Variants in SLC11A2 observed in about 807,000 individuals in gnomAD.
SLC11A2 encodes the protein solute carrier family 11 member 2, also known as natural resistance-associated macrophage protein 2.
In SLC11A2, 38 loss-of-function variants were observed where a neutral mutation model predicts 68.0. The ratio of observed to expected loss-of-function variants is 0.56; its 90% CI spans 0.43 to 0.73. The LOEUF (loss-of-function observed/expected upper bound fraction) is 0.73. Among genes scored for constraint, SLC11A2 ranks in the 30% least tolerant of loss-of-function variants. The pLI is 0.00. For missense variants in SLC11A2, 517 were observed against 690.5 expected, an observed-to-expected ratio of 0.75 and a Z score of 2.82; for synonymous variants, 242 against 250.6, an observed-to-expected ratio of 0.97 and a Z score of 0.32.
intron 5 of SLC11A2, among the ~76,000 whole-genome samples, chr12:51,004,427 CA>C (rs1160884650): frequency 2.0e-5 from 3 of 152,016 alleles, no homozygotes; most frequent in Non-Finnish European, 4.4e-5. Flanking sequence ...AAAAAAAGAA[CA>C]TATATAAAAT....
chr12:50,969,383 C>T, the SLC11A2 span, among the ~76,000 whole-genome samples: 1 of 151,972 alleles, frequency 6.6e-6, no homozygotes, highest in Non-Finnish European at 1.5e-5. Context: ...GTTTGGAGAC[C>T]ACCTACCTGT....
At chr12:50,985,961 T>C, downstream of SLC11A2, 1 of 1,147,042 alleles carries the variant, frequency 8.7e-7, no homozygotes, top group South Asian at 1.9e-5. Flanking sequence ...ATAAATTATT[T>C]CAAGGTTAAA....
intron 8 of SLC11A2, 50 bp downstream of exon 8, chr12:50,999,124 A>C (rs920199788): frequency 7.0e-7 from 1 of 1,431,030 alleles, no homozygotes; most frequent in African/African-American, 1.4e-5. Flanking sequence ...TAAAAAAAAA[A>C]ACCACAAAAA....
chr12:50,985,832 C>T (rs1940486205), downstream of SLC11A2, among the ~76,000 whole-genome samples: 1 of 152,072 alleles, frequency 6.6e-6, no homozygotes, highest in Non-Finnish European at 1.5e-5. Flanking sequence ...AGGACTAAAT[C>T]CATTTATTTC....
At chr12:50,960,108 A>G in the SLC11A2 span, among the ~76,000 whole-genome samples, 1 of 152,202 alleles carries the variant, frequency 6.6e-6, no homozygotes, top group African/African-American at 2.4e-5. Context: ...ACCCCTTGAC[A>G]TTTGTAGGAA....
chr12:51,009,446 C>T, intron 2 of SLC11A2: 1 of 212,716 alleles, frequency 4.7e-6, no homozygotes, highest in Non-Finnish European at 8.1e-6. Flanking sequence ...CTTCAGCCAT[C>T]AAATGGCTAT....
upstream of SLC11A2, among the ~76,000 whole-genome samples, chr12:51,027,225 A>G (rs1391456287): frequency 6.6e-6 from 1 of 151,226 alleles, no homozygotes; most frequent in East Asian, 1.9e-4. Context: ...CTGTGGTCCC[A>G]GCTACTCGGG....
chr12:50,994,705 T>C (rs374333742), intron 10 of SLC11A2, 75 bp from the exon 11 acceptor site: 4 of 835,436 alleles, frequency 4.8e-6, no homozygotes, highest in Non-Finnish European at 2.1e-6. Context: ...CTACATATCA[T>C]ACACAATCAT....
chr12:51,005,181 A>T, intron 4 of SLC11A2, 130 bp downstream of exon 4: 2 of 1,047,400 alleles, frequency 1.9e-6, no homozygotes, highest in Admixed American at 3.6e-5. Context: ...AGTACTTTAC[A>T]CATAAGAGCC....
In SLC11A2 at chr12:50,986,376, T is replaced by C. The variant is rs72561485; in HGVS notation, c.*1949A>G. 168 of 1,280,910 alleles carry C rather than the reference T, an allele frequency of 1.3e-4. No individual in the cohort carries two copies. In the East Asian group the frequency reaches 5.2e-3, roughly 40 times the overall value. The allele number at this position is 1,280,910 out of a possible 1,614,324, so 79.3% of individuals were successfully genotyped here. A position where few individuals can be genotyped will look rare whatever the true frequency, so the allele number is the denominator to read the frequency against. On this transcript the variant is annotated 3_prime_UTR_variant, in exon 16 of 16. Transcript: ENST00000262052. ...TAACGTATGAGGGTATTTTTAACACTGTGAAGTACACACATAATATTATAA... is the reference window on the plus strand; with the variant it reads ...TAACGTATGAGGGTATTTTTAACACCGTGAAGTACACACATAATATTATAA...
chr12:50,973,701 A>G, the SLC11A2 span, among the ~76,000 whole-genome samples: 6 of 152,344 alleles, frequency 3.9e-5, no homozygotes, highest in Admixed American at 3.3e-4. Context: ...GAGCTAAAGG[A>G]GGAAGTTCAA....
At chr12:51,018,826 T>C (rs893963079) in intron 1 of SLC11A2, among the ~76,000 whole-genome samples, 2 of 152,160 alleles carry the variant, frequency 1.3e-5, no homozygotes, top group Non-Finnish European at 2.9e-5. Context: ...TCATATAAAA[T>C]TCCCCTATAG....
chr12:50,975,742 T>C (rs2136111898), downstream of SLC11A2, among the ~76,000 whole-genome samples: 1 of 152,034 alleles, frequency 6.6e-6, no homozygotes, highest in Non-Finnish European at 1.5e-5. Flanking sequence ...GATAGACCGC[T>C]AGCAAGAGTA....
At chr12:51,012,040 A>C (rs1156923105) in intron 1 of SLC11A2, among the ~76,000 whole-genome samples, 1 of 152,166 alleles carries the variant, frequency 6.6e-6, no homozygotes, top group African/African-American at 2.4e-5. Context: ...CTGCAGCCAT[A>C]ATGTTCTAGA....
the SLC11A2 span, among the ~76,000 whole-genome samples, chr12:50,960,510 A>G: frequency 6.6e-6 from 1 of 152,216 alleles, no homozygotes; most frequent in South Asian, 2.1e-4. Context: ...ACTGGACTCA[A>G]GAATATTAAG....
chr12:50,992,145 T>C (rs1178595603), intron 13 of SLC11A2, 45 bp downstream of exon 13: 8 of 1,605,796 alleles, frequency 5.0e-6, no homozygotes, highest in South Asian at 1.1e-5. Context: ...CAGTACATAA[T>C]GCTACCTGAA....
In SLC11A2 at chr12:50,999,435, T is replaced by C. The variant is rs1260609002; in HGVS notation, c.537-20A>G. 6.3e-6 allele frequency: 10 copies of C among 1,584,600 alleles called. No homozygotes were observed. Among genetic ancestry groups the C allele is most frequent in the Admixed American group, 1.7e-5 (1 of 59,978 alleles). On this transcript the variant is annotated intron_variant, in intron 6 of 15. Transcript: ENST00000262052. ...GGAATTCTAGGTCAGAGATGAGATATGGAAGTCAGAGAGACGGAAAGAAAG... is the reference window on the plus strand; with the variant it reads ...GGAATTCTAGGTCAGAGATGAGATACGGAAGTCAGAGAGACGGAAAGAAAG...
chr12:51,001,113 T>A (rs224586), intron 5 of SLC11A2, among the ~76,000 whole-genome samples: 3 of 150,872 alleles, frequency 2.0e-5, no homozygotes, highest in East Asian at 3.9e-4. Context: ...TGCAGTGAGC[T>A]GAGATTGCGC....
the SLC11A2 span, among the ~76,000 whole-genome samples, chr12:50,965,730 T>C: frequency 1.3e-5 from 2 of 152,152 alleles, no homozygotes; most frequent in Non-Finnish European, 2.9e-5. Context: ...AAATCCCCCA[T>C]AAATGTGATT....
Sources: allele counts gnomAD v4.1 joint callset (sites outside exome capture counted in the v4.1 genomes callset), GRCh38; gene constraint gnomAD v4.1.1; transcripts MANE v1.5; gene names NCBI Gene and HGNC (gene_info 2026-07-23, HGNC 2026-07-21).